GRIK3: variants seen among roughly 807,000 people sequenced by gnomAD.
GRIK3 encodes the protein glutamate ionotropic receptor kainate type subunit 3.
A neutral mutation model predicts 102.5 loss-of-function variants in GRIK3; 29 were observed. The observed-to-expected ratio is 0.28, with a 90% CI of 0.21 to 0.39. GRIK3 has a LOEUF of 0.39. Among genes scored for constraint, GRIK3 ranks in the 10% least tolerant of loss-of-function variants. GRIK3 has a pLI of 1.00. For synonymous variants in GRIK3, 511 were observed against 504.9 expected, an observed-to-expected ratio of 1.01 and a Z score of -0.16; for missense variants, 908 against 1,252.4, an observed-to-expected ratio of 0.73 and a Z score of 4.15.
chr1:36,997,697 G>A (rs897443776), intron 1 of GRIK3, among the ~76,000 whole-genome samples: 1 of 152,160 alleles, frequency 6.6e-6, no homozygotes, highest in African/African-American at 2.4e-5. Context: ...AGTCTGAGGA[G>A]TGCCGTGGTG....
intron 1 of GRIK3, among the ~76,000 whole-genome samples, chr1:36,923,055 G>T (rs779548881): frequency 2.6e-5 from 4 of 152,192 alleles, no homozygotes; most frequent in Non-Finnish European, 5.9e-5. Flanking sequence ...TTCCTGGGAA[G>T]CCGAGGGCTC....
chr1:36,944,603 TG>T (rs1376379892), intron 1 of GRIK3, among the ~76,000 whole-genome samples: 3 of 152,010 alleles, frequency 2.0e-5, no homozygotes, highest in Non-Finnish European at 4.4e-5. Context: ...CTTGGAGACT[TG>T]GGGTAAGGGT....
chr1:36,801,752 GGT>G lies in GRIK3; in HGVS notation c.*97_*98del. 1.9e-6 allele frequency: 2 copies of G among 1,046,804 alleles called. No individual in the cohort carries two copies. Among genetic ancestry groups the G allele is most frequent in the South Asian group, 3.7e-5 (2 of 54,720 alleles). 64.8% of individuals were successfully genotyped at this position (1,046,804 alleles called of 1,614,324 possible). The stretch of plus-strand genomic sequence containing the variant: ...GGCCCAACAGGCAGGTGGCAGCTCT[GGT>G]CCCCAAGCCCAGTGCGGGGACAGGG... On this transcript the variant is annotated 3_prime_UTR_variant, in exon 16 of 16. Transcript: ENST00000373091.
Position 36,828,500 on chromosome 1 carries a change from T to G in GRIK3, c.1531-2674A>C, listed in dbSNP as rs1208943515. 3.3e-5 allele frequency among the ~76,000 whole-genome samples: 5 copies of G among 152,234 alleles called. No homozygotes were observed. In the East Asian group the frequency reaches 9.6e-4, roughly 29 times the overall value. ...AGTAGAGTAGCATGCTGCACAGGTT[T>G]GTACCTAGGAGCAATAGGCCATACC... On this transcript the variant is annotated intron_variant, in intron 10 of 15. Transcript: ENST00000373091.
At chr1:36,849,933 C>T (rs1280613757) in intron 9 of GRIK3, 4 of 208,260 alleles carry the variant, frequency 1.9e-5, no homozygotes, top group Non-Finnish European at 3.9e-5. Context: ...GTGGCCACAG[C>T]ACCCACCACA....
chr1:36,813,959 A>G (rs966952182), intron 13 of GRIK3, among the ~76,000 whole-genome samples: 2 of 152,198 alleles, frequency 1.3e-5, no homozygotes, highest in African/African-American at 4.8e-5. Flanking sequence ...GGACAGGAAG[A>G]AAGTGGAGTT....
intron 1 of GRIK3, among the ~76,000 whole-genome samples, chr1:36,998,124 TGG>T (rs1454834238): frequency 6.6e-6 from 1 of 152,178 alleles, no homozygotes; most frequent in African/African-American, 2.4e-5. Flanking sequence ...GGGCCAAATT[TGG>T]GCCTCTAGTC....
chr1:36,862,791 C>G (rs373283452), intron 5 of GRIK3, among the ~76,000 whole-genome samples: 1 of 152,122 alleles, frequency 6.6e-6, no homozygotes, highest in African/African-American at 2.4e-5. Flanking sequence ...ATAGAGTTGT[C>G]AAGGAAAATA....
intron 1 of GRIK3, among the ~76,000 whole-genome samples, chr1:36,970,304 G>A (rs557158748): frequency 6.6e-6 from 1 of 152,212 alleles, no homozygotes; most frequent in South Asian, 2.1e-4. Context: ...CAGGTGATGA[G>A]TGGGGCCACC....
In GRIK3 at chr1:36,872,957, G is replaced by A. The variant is rs991904507; in HGVS notation, c.551-588C>T. On this transcript the variant is annotated intron_variant, in intron 3 of 15. Coordinates refer to ENST00000373091, the MANE Select transcript of GRIK3 (RefSeq NM_000831.4). The surrounding 1 kb of genome is among the most constrained non-coding windows in gnomAD (Gnocchi z 5.9). ...AAGGCCAGGAGGTATTTGTGTCTCC[G>A]CCCTCGTCCTCACTAAGGGCAGTCT... is the stretch of plus-strand genomic sequence containing the variant. 6.6e-5 allele frequency among the ~76,000 whole-genome samples: 10 copies of A among 152,174 alleles called. No individual in the cohort carries two copies. Among genetic ancestry groups the A allele is most frequent in the Admixed American group, 3.9e-4 (6 of 15,292 alleles).
chr1:36,891,972 CTAA>C (rs1259602326), intron 1 of GRIK3, among the ~76,000 whole-genome samples: 12 of 152,112 alleles, frequency 7.9e-5, no homozygotes, highest in African/African-American at 1.2e-4. Context: ...CATTAAATAA[CTAA>C]TAATAAACCA....
intron 1 of GRIK3, among the ~76,000 whole-genome samples, chr1:37,033,430 G>T (rs950004463): frequency 6.6e-6 from 1 of 152,150 alleles, no homozygotes; most frequent in African/African-American, 2.4e-5. Context: ...CCCAACCCCC[G>T]CCCCATGGCA....
At chr1:37,002,604 C>T (rs940349845) in intron 1 of GRIK3, among the ~76,000 whole-genome samples, 11 of 152,062 alleles carry the variant, frequency 7.2e-5, no homozygotes, top group African/African-American at 2.2e-4. Context: ...ACAGACAGTA[C>T]CAGACATGGT....
At chr1:36,831,862 C>T (rs1208012416) in intron 10 of GRIK3, among the ~76,000 whole-genome samples, 2 of 152,220 alleles carry the variant, frequency 1.3e-5, no homozygotes, top group African/African-American at 4.8e-5. Flanking sequence ...CACTGTCCTC[C>T]CCATCTCTCT....
At chr1:36,866,103 G>C (rs1570768778) in intron 5 of GRIK3, among the ~76,000 whole-genome samples, 1 of 152,240 alleles carries the variant, frequency 6.6e-6, no homozygotes, top group Non-Finnish European at 1.5e-5. Context: ...GGCTGGTCTT[G>C]TACTGGCCTC....
At chr1:36,984,096 G>T (rs909970223) in intron 1 of GRIK3, among the ~76,000 whole-genome samples, 2 of 152,182 alleles carry the variant, frequency 1.3e-5, no homozygotes, top group Non-Finnish European at 2.9e-5. Context: ...AGAGCCTTGG[G>T]ATCCAAACCT....
chr1:36,932,362 A>G (rs180719187), intron 1 of GRIK3, among the ~76,000 whole-genome samples: 2 of 152,328 alleles, frequency 1.3e-5, no homozygotes, highest in African/African-American at 2.4e-5. Flanking sequence ...CGACAGCCAC[A>G]GTCCACTCTG....
At chr1:36,895,643 G>T (rs1641163906) in intron 1 of GRIK3, among the ~76,000 whole-genome samples, 1 of 152,070 alleles carries the variant, frequency 6.6e-6, no homozygotes, top group African/African-American at 2.4e-5. Context: ...AAAAACTGTG[G>T]CTGTAAAAAT....
At chr1:36,897,185 G>A (rs940946765) in intron 1 of GRIK3, among the ~76,000 whole-genome samples, 2 of 152,156 alleles carry the variant, frequency 1.3e-5, no homozygotes, top group Non-Finnish European at 2.9e-5. Context: ...AGGCATCCAA[G>A]TCAGAAAGGA....
Sources: gnomAD v4.1 joint callset for allele counts (sites outside exome capture counted in the v4.1 genomes callset) on GRCh38, gnomAD v4.1.1 for gene constraint, Gnocchi (gnomAD v3.1) non-coding constraint, MANE v1.5 for transcripts, NCBI Gene and HGNC (gene_info 2026-07-23, HGNC 2026-07-21) for gene names.